COX7B2: variants seen among roughly 807,000 people sequenced by gnomAD.
COX7B2 encodes the protein cytochrome c oxidase subunit 7B2, also known as cytochrome c oxidase subunit 7B2, mitochondrial.
For synonymous variants in COX7B2, 37 were observed against 32.1 expected (o/e 1.15, Z -0.51); for missense variants, 109 against 95.9 (o/e 1.14, Z -0.57).
intron 2 of COX7B2, among the ~76,000 whole-genome samples, chr4:46,782,933 G>A (rs150624693): frequency 0.011 from 1,684 of 151,806 alleles, 20 homozygotes; most frequent in Middle Eastern, 0.041. Flanking sequence ...GAGGGTCCGC[G>A]GCTTCATTCT....
intron 2 of COX7B2, among the ~76,000 whole-genome samples, chr4:46,767,135 G>A (rs1392362122): frequency 1.3e-5 from 2 of 152,194 alleles, no homozygotes; most frequent in East Asian, 3.8e-4. Flanking sequence ...AGCTTTCAAG[G>A]CACATGAAGG....
chr4:46,778,835 T>A (rs1457254021), intron 2 of COX7B2, among the ~76,000 whole-genome samples: 1 of 152,168 alleles, frequency 6.6e-6, no homozygotes, highest in Non-Finnish European at 1.5e-5. Flanking sequence ...CAATAGTTCA[T>A]CTGCCTAGTT....
At chr4:46,888,314 T>A (rs756792314) in intron 1 of COX7B2, among the ~76,000 whole-genome samples, 3 of 152,222 alleles carry the variant, frequency 2.0e-5, no homozygotes, top group Non-Finnish European at 4.4e-5. Context: ...TCCAGTTTCC[T>A]ATTTCTAGCT....
chr4:46,773,515 A>C (rs1716993291), intron 2 of COX7B2, among the ~76,000 whole-genome samples: 1 of 152,194 alleles, frequency 6.6e-6, no homozygotes, highest in African/African-American at 2.4e-5. Context: ...AGTCTCAGGC[A>C]GTTCTTTATA....
intron 2 of COX7B2, among the ~76,000 whole-genome samples, chr4:46,782,383 A>C (rs530349427): frequency 1.1e-5 from 1 of 88,472 alleles, no homozygotes; most frequent in Non-Finnish European, 2.4e-5. Flanking sequence ...TAGCTAATCT[A>C]GTGGGGACTT....
intron 2 of COX7B2, among the ~76,000 whole-genome samples, chr4:46,756,693 A>G (rs1715821167): frequency 6.6e-6 from 1 of 152,120 alleles, no homozygotes; most frequent in African/African-American, 2.4e-5. Context: ...ATATGAAAAA[A>G]TATTCAACAT....
intron 2 of COX7B2, among the ~76,000 whole-genome samples, chr4:46,792,055 C>A (rs1718078447): frequency 6.6e-6 from 1 of 152,114 alleles, no homozygotes; most frequent in South Asian, 2.1e-4. Flanking sequence ...CTGATTAACT[C>A]CCAGAAGTAG....
intron 2 of COX7B2, among the ~76,000 whole-genome samples, chr4:46,752,884 T>G (rs1465125546): frequency 6.6e-6 from 1 of 152,154 alleles, no homozygotes; most frequent in Non-Finnish European, 1.5e-5. Context: ...AATTCTCTTT[T>G]TGTGTTGTCT....
chr4:46,745,926 T>C (rs980285408), intron 2 of COX7B2, among the ~76,000 whole-genome samples: 1 of 152,168 alleles, frequency 6.6e-6, no homozygotes, highest in African/African-American at 2.4e-5. Flanking sequence ...TAAAATTTCT[T>C]AAGTCTAAAA....
chr4:46,833,067 G>T (rs983428508), intron 2 of COX7B2, among the ~76,000 whole-genome samples: 2 of 152,030 alleles, frequency 1.3e-5, no homozygotes, highest in African/African-American at 2.4e-5. Flanking sequence ...CACGGTGCCC[G>T]GCTAATTTTG....
intron 1 of COX7B2, among the ~76,000 whole-genome samples, chr4:46,902,526 T>C (rs571697090): frequency 1.3e-5 from 2 of 152,218 alleles, no homozygotes; most frequent in African/African-American, 4.8e-5. Context: ...ATTGCTTCTT[T>C]GCTTCTTCCA....
intron 2 of COX7B2, among the ~76,000 whole-genome samples, chr4:46,739,139 T>C (rs529933373): frequency 2.6e-5 from 4 of 152,238 alleles, no homozygotes; most frequent in African/African-American, 9.6e-5. Context: ...TGTTAAGACA[T>C]TGTGCCAAGA....
intron 1 of COX7B2, among the ~76,000 whole-genome samples, chr4:46,887,105 A>C (rs1307759236): frequency 6.6e-6 from 1 of 152,234 alleles, no homozygotes; most frequent in African/African-American, 2.4e-5. Context: ...AAAGGAAAAA[A>C]AGAAAGAAGA....
chr4:46,803,171 G>A (rs1208507698), intron 2 of COX7B2, among the ~76,000 whole-genome samples: 4 of 152,120 alleles, frequency 2.6e-5, no homozygotes, highest in Admixed American at 1.3e-4. Flanking sequence ...TTTCAGTTTT[G>A]TGATTCTATG....
At chr4:46,866,928 G>C (rs992416265) in intron 1 of COX7B2, among the ~76,000 whole-genome samples, 2 of 152,084 alleles carry the variant, frequency 1.3e-5, no homozygotes, top group African/African-American at 4.8e-5. Flanking sequence ...GATACAACCA[G>C]GGTACTGACT....
intron 1 of COX7B2, among the ~76,000 whole-genome samples, chr4:46,894,950 G>A (rs1333646071): frequency 2.0e-5 from 3 of 152,178 alleles, no homozygotes; most frequent in South Asian, 4.1e-4. Context: ...CACACCAGTC[G>A]GAATGGCTAT....
At chr4:46,862,408 C>T (rs184302783) in intron 1 of COX7B2, among the ~76,000 whole-genome samples, 117 of 152,006 alleles carry the variant, frequency 7.7e-4, no homozygotes, top group African/African-American at 2.5e-3. Flanking sequence ...GTAAGTGTTC[C>T]GTCTTTCTGT....
At chr4:46,805,269 A>G (rs1481367294) in intron 2 of COX7B2, among the ~76,000 whole-genome samples, 1 of 152,210 alleles carries the variant, frequency 6.6e-6, no homozygotes, top group Admixed American at 6.5e-5. Flanking sequence ...GGACTCCTCA[A>G]GTGGGGCCAG....
chr4:46,792,766 G>C (rs1287330115), intron 2 of COX7B2, among the ~76,000 whole-genome samples: 1 of 152,132 alleles, frequency 6.6e-6, no homozygotes, highest in Non-Finnish European at 1.5e-5. Context: ...TTGATACCTA[G>C]AGTGACTGTA....
Sources: allele counts gnomAD v4.1 joint callset (sites outside exome capture counted in the v4.1 genomes callset), GRCh38; gene constraint gnomAD v4.1.1; transcripts MANE v1.5; gene names NCBI Gene and HGNC (gene_info 2026-07-23, HGNC 2026-07-21).